LIMCH1: variants seen among roughly 807,000 people sequenced by gnomAD.
LIMCH1 encodes LIM and calponin homology domains-containing protein 1.
Under a neutral mutation model 176.5 loss-of-function variants are expected in LIMCH1, and 113 were observed. The ratio of observed to expected loss-of-function variants is 0.64; its 90% CI spans 0.55 to 0.75. The LOEUF (loss-of-function observed/expected upper bound fraction) is 0.75, where lower values mean the gene tolerates loss of function less well. LIMCH1 is among the 30% of genes least tolerant of loss of function. LIMCH1 has a pLI of 0.00. For missense variants in LIMCH1, 1,674 were observed against 1,814.9 expected (o/e 0.92, Z 1.41); for synonymous variants, 619 against 645.9 (o/e 0.96, Z 0.63).
At chr4:41,661,635 G>C in intron 19 of LIMCH1, 125 bp downstream of exon 19, 1 of 730,986 alleles carries the variant, frequency 1.4e-6, no homozygotes, top group Non-Finnish European at 2.4e-6. Context: ...GGAGTGGTGC[G>C]GTTGTGCTGC....
intron 1 of LIMCH1, among the ~76,000 whole-genome samples, chr4:41,554,955 A>G (rs1252520817): frequency 5.3e-5 from 8 of 152,172 alleles, no homozygotes; most frequent in Non-Finnish European, 1.0e-4. Flanking sequence ...AAGATTCAGT[A>G]GTCAGGATTA....
rs1037741546 is a variant in LIMCH1, at chr4:41,699,114, CATG to C, written c.*1932_*1934del. ...TGATAATGTGGATGTTTACACTTTG[CATG>C]ATATTAGCAGAGTACCACTAGTAAT... On this transcript the variant is annotated 3_prime_UTR_variant, in exon 32 of 32. Transcript: ENST00000503057. The C allele has an allele frequency of 6.6e-6, 1 of 152,126 alleles. No individual in the cohort carries two copies. The highest frequency in any genetic ancestry group is 2.4e-5 in the African/African-American group (1 of 41,408). 9.4% of individuals were successfully genotyped at this position (152,126 alleles called of 1,614,324 possible).
intron 17 of LIMCH1, among the ~76,000 whole-genome samples, chr4:41,647,095 T>C (rs1313026229): frequency 1.3e-5 from 2 of 152,232 alleles, no homozygotes; most frequent in African/African-American, 4.8e-5. Flanking sequence ...ATTGCTGTTG[T>C]TAATACAGAT....
chr4:41,609,579 G>A (rs1324041051), intron 4 of LIMCH1: 3 of 446,684 alleles, frequency 6.7e-6, no homozygotes, highest in Non-Finnish European at 8.9e-6. Context: ...AGCATCTGGA[G>A]TTTCTCAGAA....
At chr4:41,372,717 G>A (rs1013931971) in intron 1 of LIMCH1, among the ~76,000 whole-genome samples, 19 of 152,144 alleles carry the variant, frequency 1.2e-4, no homozygotes, top group African/African-American at 4.3e-4. Context: ...CTGTGTGTGT[G>A]TTTTTCTGAT....
In LIMCH1 at chr4:41,613,652, A is replaced by G. The variant is rs571801853; in HGVS notation, c.196A>G (p.Ser66Gly). Reference sequence around the variant, plus strand: ...TTCACCAGATGTAGTCCTCAGGGGAAGCAGCGATGGTAGGTTGGAGTCTTA... The same window carrying G: ...TTCACCAGATGTAGTCCTCAGGGGAGGCAGCGATGGTAGGTTGGAGTCTTA... ...TPSPDVVLRG[S>G]SDGRGSDSES... The change falls in exon 5 of 32, where the codon AGC (serine) becomes GGC (glycine). Residue 66 changes from serine (S) to glycine (G), a missense_variant. Ser to Gly is a moderately conservative substitution (Grantham distance 56). Transcript: ENST00000503057. The G allele has an allele frequency of 4.3e-6, 7 of 1,613,960 alleles. No homozygotes were observed. The Admixed American group carries it at 1.2e-4, about 27-fold the overall frequency.
At chr4:41,692,969 TAGTA>T (rs1727402150) in intron 31 of LIMCH1, 1 of 152,294 alleles carries the variant, frequency 6.6e-6, no homozygotes, top group Non-Finnish European at 1.5e-5. Flanking sequence ...TTTGCTGCCT[TAGTA>T]AGTGAGAAGC....
At chr4:41,374,299 A>G (rs2054402895) in intron 1 of LIMCH1, among the ~76,000 whole-genome samples, 1 of 152,104 alleles carries the variant, frequency 6.6e-6, no homozygotes, top group Non-Finnish European at 1.5e-5. Context: ...AACTCCAAAA[A>G]TAAGTCCTCT....
At chr4:41,515,078 A>T (rs2075407437) in intron 2 of LIMCH1, among the ~76,000 whole-genome samples, 1 of 152,140 alleles carries the variant, frequency 6.6e-6, no homozygotes. Context: ...CCACATTAGG[A>T]GCAGACTCCC....
At chr4:41,379,313 C>T (rs1329969408) in intron 1 of LIMCH1, among the ~76,000 whole-genome samples, 1 of 152,140 alleles carries the variant, frequency 6.6e-6, no homozygotes, top group African/African-American at 2.4e-5. Context: ...GTATTAGTTC[C>T]TGTCATCTAG....
At chr4:41,694,842 A>G (rs1045115904) in intron 31 of LIMCH1, among the ~76,000 whole-genome samples, 1 of 151,704 alleles carries the variant, frequency 6.6e-6, no homozygotes, top group Non-Finnish European at 1.5e-5. Context: ...AGAAAAGTGC[A>G]CTCTCCCTGC....
At chr4:41,597,313 A>G (rs1047109744) in intron 1 of LIMCH1, among the ~76,000 whole-genome samples, 2 of 152,184 alleles carry the variant, frequency 1.3e-5, no homozygotes, top group Non-Finnish European at 2.9e-5. Flanking sequence ...AATTTTTCAT[A>G]AAGTTGTACA....
intron 1 of LIMCH1, among the ~76,000 whole-genome samples, chr4:41,477,798 C>CA (rs2067978361): frequency 6.6e-6 from 1 of 152,162 alleles, no homozygotes. Context: ...ATTCAAATAA[C>CA]AAACTCTTAG....
At chr4:41,685,533 C>T (rs1415393337) in intron 27 of LIMCH1, among the ~76,000 whole-genome samples, 177 bp from the exon 28 acceptor site, 1 of 152,170 alleles carries the variant, frequency 6.6e-6, no homozygotes, top group South Asian at 2.1e-4. Flanking sequence ...TCCTTTGTTT[C>T]CAAAACTAAA....
At chr4:41,480,211 C>T (rs1039987867) in intron 1 of LIMCH1, among the ~76,000 whole-genome samples, 2 of 152,162 alleles carry the variant, frequency 1.3e-5, no homozygotes, top group Non-Finnish European at 2.9e-5. Flanking sequence ...TTGTCCAGTT[C>T]CCAAGTGCCA....
intron 30 of LIMCH1, 68 bp from the exon 31 acceptor site, chr4:41,692,214 A>T: frequency 1.1e-6 from 1 of 904,616 alleles, no homozygotes; most frequent in African/African-American, 1.6e-5. Flanking sequence ...TCACATAAAC[A>T]GTAACTAAGC....
intron 1 of LIMCH1, among the ~76,000 whole-genome samples, chr4:41,549,411 C>T (rs1244276198): frequency 1.3e-5 from 2 of 152,148 alleles, no homozygotes; most frequent in Non-Finnish European, 2.9e-5. Flanking sequence ...GGTATGCACT[C>T]GGTGAGGGAT....
chr4:41,631,256 A>G lies in LIMCH1; in HGVS notation c.1380A>G (p.Lys460=). The G allele has an allele frequency of 2.0e-6, 3 of 1,536,148 alleles. No individual in the cohort carries two copies. Among genetic ancestry groups the G allele is most frequent in the Admixed American group, 2.0e-5 (1 of 50,996 alleles). ...FANRKARASK[K]ASSPRQKFVH... is the part of the protein sequence containing the mutation. Reference sequence around the variant, plus strand: ...ACCGCAAAGCAAGGGCCTCTAAGAAAGCTTCCAGCCCCAGGCAAAAGTTTG... The same window carrying G: ...ACCGCAAAGCAAGGGCCTCTAAGAAGGCTTCCAGCCCCAGGCAAAAGTTTG... Residue 460 remains lysine (K), a synonymous_variant, in exon 10 of 32, where the codon AAA becomes AAG. Coordinates refer to ENST00000503057, the MANE Select transcript of LIMCH1 (RefSeq NM_001330672.2).
intron 1 of LIMCH1, among the ~76,000 whole-genome samples, chr4:41,573,552 G>C (rs1211529587): frequency 6.6e-6 from 1 of 152,078 alleles, no homozygotes; most frequent in East Asian, 1.9e-4. Context: ...AGTATTCTTC[G>C]CAAATGCTAT....
Sources: allele counts gnomAD v4.1 joint callset (sites outside exome capture counted in the v4.1 genomes callset), GRCh38; gene constraint gnomAD v4.1.1; transcripts MANE v1.5; gene names NCBI Gene and HGNC (gene_info 2026-07-23, HGNC 2026-07-21).